CADM2: variants seen among roughly 807,000 people sequenced by gnomAD.
CADM2 encodes cell adhesion molecule 2, also known as immunoglobulin superfamily member 4D.
In CADM2, 12 loss-of-function variants were observed where a neutral mutation model predicts 49.8. The observed-to-expected ratio is 0.24, with a 90% CI of 0.15 to 0.39. The LOEUF (loss-of-function observed/expected upper bound fraction) is 0.39, where lower values mean the gene tolerates loss of function less well. Among genes scored for constraint, CADM2 ranks in the 10% least tolerant of loss-of-function variants. The pLI, the probability that CADM2 is intolerant of heterozygous loss-of-function variation, is 1.00. For missense variants in CADM2, 378 were observed against 492.3 expected, an observed-to-expected ratio of 0.77 and a Z score of 2.20; for synonymous variants, 214 against 175.4, an observed-to-expected ratio of 1.22 and a Z score of -1.74.
intron 1 of CADM2, among the ~76,000 whole-genome samples, chr3:85,384,993 T>C (rs1220554776): frequency 6.6e-6 from 1 of 152,088 alleles, no homozygotes; most frequent in Non-Finnish European, 1.5e-5. Flanking sequence ...TGGAGTGTAG[T>C]GGTGTGATCT....
At chr3:85,580,523 G>A (rs2062764833) in intron 1 of CADM2, among the ~76,000 whole-genome samples, 1 of 151,976 alleles carries the variant, frequency 6.6e-6, no homozygotes, top group African/African-American at 2.4e-5. Flanking sequence ...GGTGGCTTGT[G>A]GCCAAAAACT....
intron 5 of CADM2, among the ~76,000 whole-genome samples, chr3:85,893,524 C>T (rs1436931555): frequency 6.6e-6 from 1 of 152,118 alleles, no homozygotes; most frequent in Non-Finnish European, 1.5e-5. Context: ...AGAGCTTCTG[C>T]ACAGCAAAAG....
chr3:85,609,100 A>G (rs2063610454), intron 1 of CADM2, among the ~76,000 whole-genome samples: 2 of 151,912 alleles, frequency 1.3e-5, no homozygotes, highest in African/African-American at 2.4e-5. Context: ...ACTACTTTGC[A>G]TCTCCACACT....
At chr3:85,670,605 A>G (rs1317468205) in intron 1 of CADM2, among the ~76,000 whole-genome samples, 1 of 152,174 alleles carries the variant, frequency 6.6e-6, no homozygotes, top group African/African-American at 2.4e-5. Flanking sequence ...TGCAGGAAAA[A>G]AGCACCAAGA....
intron 3 of CADM2, among the ~76,000 whole-genome samples, chr3:85,876,339 C>T (rs1711834259): frequency 6.6e-6 from 1 of 152,060 alleles, no homozygotes; most frequent in East Asian, 1.9e-4. Context: ...TTTTCTCAAA[C>T]GTTGTTAATA....
At chr3:85,926,027 C>T (rs1719791720) in intron 6 of CADM2, among the ~76,000 whole-genome samples, 1 of 151,806 alleles carries the variant, frequency 6.6e-6, no homozygotes, top group Non-Finnish European at 1.5e-5. Context: ...GTCCCAGCTA[C>T]TCGGGAGGCT....
chr3:85,123,691 A>T (rs916227535), intron 1 of CADM2, among the ~76,000 whole-genome samples: 9 of 152,144 alleles, frequency 5.9e-5, no homozygotes, highest in Non-Finnish European at 1.3e-4. Flanking sequence ...ATATATATTT[A>T]TATATATGTG....
intron 1 of CADM2, among the ~76,000 whole-genome samples, chr3:85,668,236 C>A (rs1200629795): frequency 1.2e-4 from 16 of 131,204 alleles, no homozygotes; most frequent in African/African-American, 3.9e-4. Flanking sequence ...AAGCACCCAG[C>A]ATTACTGTTA....
At chr3:85,541,752 ATTTTATATATATATTT>A (rs1193642392) in intron 1 of CADM2, among the ~76,000 whole-genome samples, 1,137 of 27,852 alleles carry the variant, frequency 0.041, 37 homozygotes, top group East Asian at 0.23. Context: ...TATTTTATAT[ATTTTATATATATATTT>A]TATATTTTAT....
At chr3:85,568,461 T>C (rs377389327) in intron 1 of CADM2, among the ~76,000 whole-genome samples, 568 of 14,980 alleles carry the variant, frequency 0.038, 21 homozygotes, top group Middle Eastern at 0.077. Context: ...CTTTCTTTCT[T>C]TCTCTTTCTC....
At chr3:85,866,856 T>A (rs1052347980) in intron 3 of CADM2, among the ~76,000 whole-genome samples, 3 of 152,034 alleles carry the variant, frequency 2.0e-5, no homozygotes, top group Non-Finnish European at 4.4e-5. Context: ...AACACACATA[T>A]AACACATACA....
intron 1 of CADM2, among the ~76,000 whole-genome samples, chr3:85,376,757 C>T (rs1652917531): frequency 6.6e-6 from 1 of 151,896 alleles, no homozygotes; most frequent in Non-Finnish European, 1.5e-5. Flanking sequence ...ATTTGGACTT[C>T]ATAAGCAACA....
intron 7 of CADM2, among the ~76,000 whole-genome samples, chr3:85,949,820 G>A (rs1466565182): frequency 6.6e-6 from 1 of 150,820 alleles, no homozygotes; most frequent in Non-Finnish European, 1.5e-5. Flanking sequence ...AGGTTAATGA[G>A]CACTATTTTA....
intron 1 of CADM2, among the ~76,000 whole-genome samples, chr3:85,087,904 C>T (rs2107516239): frequency 6.6e-6 from 1 of 152,262 alleles, no homozygotes; most frequent in East Asian, 1.9e-4. Context: ...CATATTTCTG[C>T]TACAGCACTG....
At chr3:85,811,487 G>A (rs2072874215) in intron 3 of CADM2, among the ~76,000 whole-genome samples, 1 of 152,194 alleles carries the variant, frequency 6.6e-6, no homozygotes, top group Non-Finnish European at 1.5e-5. Context: ...GTTGTTTGCA[G>A]TTATCGCAGC....
chr3:85,462,154 G>A, intron 1 of CADM2, among the ~76,000 whole-genome samples: 1 of 152,062 alleles, frequency 6.6e-6, no homozygotes, highest in East Asian at 1.9e-4. Context: ...TCTCCTCTGA[G>A]AACCTACCTA....
chr3:85,520,641 A>G (rs1223489742), intron 1 of CADM2, among the ~76,000 whole-genome samples: 2 of 152,062 alleles, frequency 1.3e-5, no homozygotes, highest in African/African-American at 4.8e-5. Flanking sequence ...TTCATCTTCT[A>G]TTAGACATTT....
intron 1 of CADM2, among the ~76,000 whole-genome samples, chr3:85,444,588 G>A (rs1187591178): frequency 6.6e-6 from 1 of 151,674 alleles, no homozygotes; most frequent in Admixed American, 6.6e-5. Context: ...TAGAGCTTTC[G>A]TGACCACCTC....
intron 1 of CADM2, among the ~76,000 whole-genome samples, chr3:85,633,929 C>CA (rs2107529175): frequency 6.6e-6 from 1 of 151,794 alleles, no homozygotes; most frequent in African/African-American, 2.4e-5. Context: ...GCCTATTTGA[C>CA]AAAAAATGAG....
Sources: gnomAD v4.1 joint callset for allele counts (sites outside exome capture counted in the v4.1 genomes callset) on GRCh38, gnomAD v4.1.1 for gene constraint, MANE v1.5 for transcripts, NCBI Gene and HGNC (gene_info 2026-07-23, HGNC 2026-07-21) for gene names.